The following ATXN1 variants were observed in gnomAD, a reference collection of about 807,000 sequenced individuals.
The protein encoded by ATXN1 is ataxin-1.
In ATXN1, 8 loss-of-function variants were observed where a neutral mutation model predicts 56.4. The ratio of observed to expected loss-of-function variants is 0.14; its 90% CI spans 0.08 to 0.26. ATXN1 has a LOEUF of 0.26. Ranked by LOEUF, ATXN1 falls within the 10% of genes least tolerant of loss-of-function variation. The pLI, the probability that ATXN1 is intolerant of heterozygous loss-of-function variation, is 1.00. For missense variants in ATXN1, 987 were observed against 1,106.5 expected (o/e 0.89, Z 1.53); for synonymous variants, 514 against 494.6 (o/e 1.04, Z -0.52).
At chr6:16,347,973 G>A (rs1465300573) in intron 6 of ATXN1, among the ~76,000 whole-genome samples, 1 of 152,184 alleles carries the variant, frequency 6.6e-6, no homozygotes, top group Non-Finnish European at 1.5e-5. Flanking sequence ...AAGGTCTGCA[G>A]CTTCATTCCT....
intron 6 of ATXN1, among the ~76,000 whole-genome samples, chr6:16,433,841 G>A (rs1457431933): frequency 6.6e-6 from 1 of 152,186 alleles, no homozygotes; most frequent in Non-Finnish European, 1.5e-5. Context: ...CGGAGCTCAG[G>A]CGAGCCACGG....
At chr6:16,515,233 A>G (rs946871010) in intron 5 of ATXN1, among the ~76,000 whole-genome samples, 1 of 151,806 alleles carries the variant, frequency 6.6e-6, no homozygotes, top group Non-Finnish European at 1.5e-5. Flanking sequence ...TCCCTCTGGG[A>G]CCCCAGTCTC....
Position 16,327,312 on chromosome 6 carries a change from C to G in ATXN1, c.999G>C (p.Arg333=), listed in dbSNP as rs1760836730. 1 of 1,613,158 alleles carries G rather than the reference C, an allele frequency of 6.2e-7. No individual in the cohort carries two copies. Among genetic ancestry groups the G allele is most frequent in the South Asian group, 1.1e-5 (1 of 91,080 alleles). Residue 333 remains arginine (R), a synonymous_variant, in exon 7 of 8, where the codon CGG becomes CGC. Coordinates refer to ENST00000436367, the MANE Select transcript of ATXN1 (RefSeq NM_001128164.2). Reference sequence around the variant, plus strand: ...GGTCGGCTGAGGACGGGGCCCCGTACCGCCGGCTCTTCTCCATCTCACCGT... The same window carrying G: ...GGTCGGCTGAGGACGGGGCCCCGTAGCGCCGGCTCTTCTCCATCTCACCGT... The part of the protein sequence containing the change: ...VLNGEMEKSR[R]YGAPSSADLG...
intron 6 of ATXN1, among the ~76,000 whole-genome samples, chr6:16,461,543 G>C (rs1407769373): frequency 1.3e-5 from 2 of 152,200 alleles, no homozygotes; most frequent in Non-Finnish European, 2.9e-5. Flanking sequence ...CTGGCAGTTA[G>C]ACTTCACCCA....
chr6:16,623,223 G>A (rs1763350234), intron 3 of ATXN1, among the ~76,000 whole-genome samples: 1 of 152,200 alleles, frequency 6.6e-6, no homozygotes, highest in Non-Finnish European at 1.5e-5. Flanking sequence ...GAAACACCTA[G>A]AAGGAAAATT....
chr6:16,339,110 G>A (rs763758970), intron 6 of ATXN1, among the ~76,000 whole-genome samples: 29 of 152,218 alleles, frequency 1.9e-4, no homozygotes, highest in Non-Finnish European at 4.1e-4. Context: ...TCCACATCCC[G>A]CAGGGAAGGC....
At chr6:16,666,864 T>G (rs1174562196) in intron 2 of ATXN1, 1 of 152,210 alleles carries the variant, frequency 6.6e-6, no homozygotes, top group African/African-American at 2.4e-5. Flanking sequence ...TAGTTAAAAT[T>G]TCTTTTAACT....
chr6:16,711,471 T>G (rs1177453677), intron 2 of ATXN1, among the ~76,000 whole-genome samples: 1 of 151,794 alleles, frequency 6.6e-6, no homozygotes, highest in Non-Finnish European at 1.5e-5. Context: ...AGCCAAACAC[T>G]GAGAAAAAAT....
At chr6:16,614,238 G>A (rs1403162642) in intron 3 of ATXN1, among the ~76,000 whole-genome samples, 1 of 151,732 alleles carries the variant, frequency 6.6e-6, no homozygotes, top group Non-Finnish European at 1.5e-5. Context: ...GGGAATGGAA[G>A]GGAGAACTGT....
chr6:16,423,957 A>C (rs1759088407), intron 6 of ATXN1, among the ~76,000 whole-genome samples: 2 of 152,246 alleles, frequency 1.3e-5, no homozygotes, highest in Admixed American at 1.3e-4. Context: ...CTAGTTTCAG[A>C]GCTATGGCTG....
At chr6:16,351,736 T>C (rs1761571608) in intron 6 of ATXN1, among the ~76,000 whole-genome samples, 1 of 152,140 alleles carries the variant, frequency 6.6e-6, no homozygotes, top group Non-Finnish European at 1.5e-5. Context: ...TATTTCTCCT[T>C]GTAATGTAAT....
intron 6 of ATXN1, among the ~76,000 whole-genome samples, chr6:16,451,120 C>T (rs1039023445): frequency 6.6e-5 from 10 of 152,142 alleles, no homozygotes; most frequent in African/African-American, 2.2e-4. Context: ...TCTTCTCTTC[C>T]CATTTAAAAG....
intron 3 of ATXN1, among the ~76,000 whole-genome samples, chr6:16,592,629 CA>C (rs1252924026): frequency 6.6e-6 from 1 of 152,078 alleles, no homozygotes; most frequent in Non-Finnish European, 1.5e-5. Flanking sequence ...AAGCACTATA[CA>C]GAAAGCACCC....
intron 6 of ATXN1, among the ~76,000 whole-genome samples, chr6:16,403,895 A>G (rs1009355600): frequency 1.3e-5 from 2 of 150,876 alleles, no homozygotes; most frequent in South Asian, 2.1e-4. Flanking sequence ...TGGTTAAAAG[A>G]ATTCTTAGGA....
At chr6:16,701,374 G>A (rs1233017898) in intron 2 of ATXN1, among the ~76,000 whole-genome samples, 5 of 152,218 alleles carry the variant, frequency 3.3e-5, no homozygotes, top group Admixed American at 1.3e-4. Context: ...ATCTATAAAC[G>A]GGGCAGAGAA....
In ATXN1 at chr6:16,753,298, C is replaced by T. The variant is rs764454662; in HGVS notation, c.-680G>A. On this transcript the variant is annotated 5_prime_UTR_variant, in exon 2 of 8. Coordinates refer to ENST00000436367, the MANE Select transcript of ATXN1 (RefSeq NM_001128164.2). ...GAGATTGCTGTACAAGGATGACAAA[C>T]AAATCTGCAGCTTGAATGGACCACC... 2.2e-6 allele frequency: 1 copy of T among 456,880 alleles called. No individual in the cohort carries two copies. Among genetic ancestry groups the T allele is most frequent in the Admixed American group, 2.3e-5 (1 of 42,580 alleles). The allele number at this position is 456,880 out of a possible 1,614,324, so 28.3% of individuals were successfully genotyped here. A position where few individuals can be genotyped will look rare whatever the true frequency, so the allele number is the denominator to read the frequency against.
In ATXN1 at chr6:16,446,756, T is replaced by C. The variant is rs1759644346; in HGVS notation, c.-161+39216A>G. Reference sequence around the variant, plus strand: ...TAAAATATATCCTGTTGGTGTCATCTATCAACAAGTACATAGTCTTAAAAT... The same window carrying C: ...TAAAATATATCCTGTTGGTGTCATCCATCAACAAGTACATAGTCTTAAAAT... On this transcript the variant is annotated intron_variant, in intron 6 of 7. Coordinates refer to ENST00000436367, the MANE Select transcript of ATXN1 (RefSeq NM_001128164.2). Among the ~76,000 whole-genome samples the C allele has an allele frequency of 2.0e-5, 3 of 152,250 alleles. No individual in the cohort carries two copies. The South Asian group carries it at 6.2e-4, about 32-fold the overall frequency.
chr6:16,690,242 T>G (rs1292176571), intron 2 of ATXN1, among the ~76,000 whole-genome samples: 1 of 152,026 alleles, frequency 6.6e-6, no homozygotes, highest in Non-Finnish European at 1.5e-5. Flanking sequence ...CTGTTTTTGC[T>G]CTGATTGGGT....
chr6:16,348,063 C>T lies in ATXN1; in HGVS notation c.-160-19593G>A, dbSNP rs149761121. 1.9e-3 allele frequency among the ~76,000 whole-genome samples: 285 copies of T among 152,210 alleles called. 1 individual carries two copies. Among genetic ancestry groups the T allele is most frequent in the African/African-American group, 6.1e-3 (254 of 41,520 alleles). ...GCTTTAAGAACTGTAACACTCACCG[C>T]AAGGGTCCACGGCTTAATTCTTGAA... On this transcript the variant is annotated intron_variant, in intron 6 of 7. Transcript: ENST00000436367.
Sources: allele counts gnomAD v4.1 joint callset (sites outside exome capture counted in the v4.1 genomes callset), GRCh38; gene constraint gnomAD v4.1.1; transcripts MANE v1.5; gene names NCBI Gene and HGNC (gene_info 2026-07-23, HGNC 2026-07-21).